The following TNFSF18 variants were observed in gnomAD, a reference collection of about 807,000 sequenced individuals.
TNFSF18 encodes tumor necrosis factor ligand superfamily member 18.
TNFSF18 carries 6 observed loss-of-function variants against 9.6 expected under a neutral mutation model. The ratio of observed to expected loss-of-function variants is 0.63; its 90% CI spans 0.34 to 1.24. TNFSF18 has a LOEUF of 1.24. TNFSF18 is among the 50% of genes most tolerant of loss of function. The probability of loss-of-function intolerance (pLI) is 0.03; values close to 1 mark genes in which losing one functional copy is unlikely to be tolerated. For missense variants in TNFSF18, 210 were observed against 201.0 expected (o/e 1.04, Z -0.27); for synonymous variants, 68 against 71.7 (o/e 0.95, Z 0.26).
In TNFSF18 at chr1:173,041,370, G is replaced by A. The variant is rs1203936216; in HGVS notation, c.531C>T (p.Ser177=). The A allele has an allele frequency of 6.2e-7, 1 of 1,601,174 alleles. No homozygotes were observed. Among genetic ancestry groups the A allele is most frequent in the East Asian group, 2.2e-5 (1 of 44,822 alleles). ...ATGAGGAGATCAAATCAAGTCTCTAGGAGATGAATTGGGGATTTGCTAGTA... is the reference window on the plus strand; with the variant it reads ...ATGAGGAGATCAAATCAAGTCTCTAAGAGATGAATTGGGGATTTGCTAGTA... ...IILLANPQFI[S] Residue 177 remains serine, a synonymous_variant, in exon 3 of 3, where the codon TCC becomes TCT. Transcript: ENST00000404377.
Position 173,039,274 on chromosome 1 carries a change from A to G in TNFSF18, c.*2093T>C, listed in dbSNP as rs1220263564. Among the ~76,000 whole-genome samples, 4 of 152,224 alleles carry G rather than the reference A, an allele frequency of 2.6e-5. No individual in the cohort carries two copies. On this transcript the variant is annotated 3_prime_UTR_variant, in exon 3 of 3. Transcript: ENST00000404377. Reference sequence around the variant, plus strand: ...GTGGAGAAACAGGAAAACAGTATACATTGAAAACAAAAGCTAAAATTATAA... The same window carrying G: ...GTGGAGAAACAGGAAAACAGTATACGTTGAAAACAAAAGCTAAAATTATAA...
intron 1 of TNFSF18, among the ~76,000 whole-genome samples, chr1:173,049,976 G>C (rs1665143290): frequency 2.0e-5 from 3 of 152,224 alleles, no homozygotes; most frequent in South Asian, 2.1e-4. Context: ...ACAAGCATCA[G>C]GGGCTTCCCA....
chr1:173,042,562 C>T (rs368059162), intron 2 of TNFSF18, among the ~76,000 whole-genome samples: 24 of 152,138 alleles, frequency 1.6e-4, no homozygotes, highest in East Asian at 1.4e-3. Flanking sequence ...ATAGAAATAA[C>T]TTGACTATTT....
At chr1:173,046,114 G>C (rs547080795) in intron 1 of TNFSF18, among the ~76,000 whole-genome samples, 2 of 152,268 alleles carry the variant, frequency 1.3e-5, no homozygotes, top group South Asian at 4.1e-4. Flanking sequence ...CAGTGGCTGT[G>C]AATTTAAAGT....
Position 173,039,766 on chromosome 1 carries a change from A to G in TNFSF18, c.*1601T>C, listed in dbSNP as rs1664961218. On this transcript the variant is annotated 3_prime_UTR_variant, in exon 3 of 3. Transcript: ENST00000404377. ...CACACACACACACACACACACACACATATGTATGACACACTTTAATTTCCT... is the reference window on the plus strand; with the variant it reads ...CACACACACACACACACACACACACGTATGTATGACACACTTTAATTTCCT... Among the ~76,000 whole-genome samples, 1 of 151,534 alleles carries G rather than the reference A, an allele frequency of 6.6e-6. No individual in the cohort carries two copies. Among genetic ancestry groups the G allele is most frequent in the Non-Finnish European group, 1.5e-5 (1 of 67,834 alleles).
Position 173,050,838 on chromosome 1 carries a change from T to G in TNFSF18, c.59A>C (p.Gln20Pro). ...GAGCCACAGCTTCCAGGATGATCTCTGAGCTCCTTGAGTTCTTGAATGGCT... is the reference window on the plus strand; with the variant it reads ...GAGCCACAGCTTCCAGGATGATCTCGGAGCTCCTTGAGTTCTTGAATGGCT... ...PLSHSRTQGA[Q>P]RSSWKLWLFC... The change falls in exon 1 of 3, where the codon CAG (glutamine) becomes CCG (proline). Residue 20 changes from glutamine (Q) to proline (P), a missense_variant. By Grantham distance (76) the Gln-to-Pro change is moderately conservative (BLOSUM62 -1). Coordinates refer to ENST00000404377, the MANE Select transcript of TNFSF18 (RefSeq NM_005092.4). The G allele has an allele frequency of 6.2e-7, 1 of 1,613,784 alleles. No individual in the cohort carries two copies. The highest frequency in any genetic ancestry group is 8.5e-7 in the Non-Finnish European group (1 of 1,179,760).
rs562779540 is a variant in TNFSF18 at position 173,039,739 on chromosome 1, TACACAC to T, written c.*1622_*1627del. Among the ~76,000 whole-genome samples, 16 of 146,526 alleles carry T rather than the reference TACACAC, an allele frequency of 1.1e-4. No homozygotes were observed. In the East Asian group the frequency reaches 1.2e-3, roughly 11 times the overall value. On this transcript the variant is annotated 3_prime_UTR_variant, in exon 3 of 3. Coordinates refer to ENST00000404377, the MANE Select transcript of TNFSF18 (RefSeq NM_005092.4). ...ATACATATATATACACACACACATATACACACACACACACACACACACACACATATG... is the reference window on the plus strand; with the variant it reads ...ATACATATATATACACACACACATATACACACACACACACACACACATATG...
At chr1:173,041,809 G>T in intron 2 of TNFSF18, 96 bp from the exon 3 acceptor site, 2 of 1,001,890 alleles carry the variant, frequency 2.0e-6, no homozygotes, top group Non-Finnish European at 1.3e-6. Flanking sequence ...CCACATACAT[G>T]TTGTTTCTTT....
intron 1 of TNFSF18, among the ~76,000 whole-genome samples, chr1:173,046,160 T>C (rs1188816400): frequency 6.6e-6 from 1 of 152,240 alleles, no homozygotes; most frequent in Non-Finnish European, 1.5e-5. Flanking sequence ...TTTCTTCAGA[T>C]ATATTCAACA....
chr1:173,050,886 C>A lies in TNFSF18; in HGVS notation c.11G>T (p.Ser4Ile). The A allele has an allele frequency of 5.0e-6, 8 of 1,613,828 alleles. No homozygotes were observed. Among genetic ancestry groups the A allele is most frequent in the Non-Finnish European group, 6.8e-6 (8 of 1,179,778 alleles). MCLSHLENMPLSHS... is the reference protein window; with the variant it reads MCLIHLENMPLSHS... ...GCTTAAAGGCATATTTTCCAAGTGG[C>A]TCAAACACATTTTTGGAGAAATGAG... Residue 4 changes from serine to isoleucine, a missense_variant, in exon 1 of 3, where the codon AGC becomes ATC. Coordinates refer to ENST00000404377, the MANE Select transcript of TNFSF18 (RefSeq NM_005092.4).
rs1246041092 is a variant in TNFSF18 at position 173,039,353 on chromosome 1, G to A, written c.*2014C>T. On this transcript the variant is annotated 3_prime_UTR_variant, in exon 3 of 3. Coordinates refer to ENST00000404377, the MANE Select transcript of TNFSF18 (RefSeq NM_005092.4). ...GGTAGTCATCCCTCTAGCTGCAGCT[G>A]TAGTAACCTCTGCTTGCCCTGAGAA... Among the ~76,000 whole-genome samples the A allele has an allele frequency of 6.6e-6, 1 of 152,166 alleles. No individual in the cohort carries two copies. Among genetic ancestry groups the A allele is most frequent in the African/African-American group, 2.4e-5 (1 of 41,452 alleles).
At chr1:173,045,272 G>A (rs1172272049) in intron 1 of TNFSF18, among the ~76,000 whole-genome samples, 1 of 152,108 alleles carries the variant, frequency 6.6e-6, no homozygotes, top group Admixed American at 6.6e-5. Context: ...GTCGGAGAAT[G>A]AGAAAGAACA....
intron 1 of TNFSF18, among the ~76,000 whole-genome samples, chr1:173,046,873 GT>G (rs869068788): frequency 1.7e-3 from 232 of 137,962 alleles, no homozygotes; most frequent in East Asian, 7.0e-3. Context: ...CCCTACACTT[GT>G]TTTTTTTTGT....
chr1:173,048,869 T>C (rs1665123078), intron 1 of TNFSF18, among the ~76,000 whole-genome samples: 1 of 152,208 alleles, frequency 6.6e-6, no homozygotes, highest in South Asian at 2.1e-4. Context: ...GAGATATTTA[T>C]TTGTGGCCAA....
intron 2 of TNFSF18, 39 bp downstream of exon 2, chr1:173,043,900 A>C: frequency 6.3e-7 from 1 of 1,587,176 alleles, no homozygotes; most frequent in Non-Finnish European, 8.7e-7. Flanking sequence ...TGCATCAAAA[A>C]CTAAGAAAAG....
At position 173,041,724 on chromosome 1, in the gene TNFSF18, T is replaced by C; in HGVS notation, c.188-11A>G. On this transcript the variant is annotated splice_polypyrimidine_tract_variant and intron_variant, in intron 2 of 2. Coordinates refer to ENST00000404377, the MANE Select transcript of TNFSF18 (RefSeq NM_005092.4). ...TTGAGGGTAATGGTCCTATAAGAAA[T>C]ATACAAGGATAAAAAAGATGAAAGC... 1 of 1,549,954 alleles carries C rather than the reference T, an allele frequency of 6.5e-7. No homozygotes were observed. Among genetic ancestry groups the C allele is most frequent in the Non-Finnish European group, 8.7e-7 (1 of 1,150,064 alleles).
chr1:173,042,041 G>A (rs1185959243), intron 2 of TNFSF18, among the ~76,000 whole-genome samples: 1 of 152,186 alleles, frequency 6.6e-6, no homozygotes, highest in Non-Finnish European at 1.5e-5. Context: ...AATGGAGAAA[G>A]AAATCACAAG....
intron 1 of TNFSF18, among the ~76,000 whole-genome samples, chr1:173,044,798 G>C (rs1481296326): frequency 1.3e-5 from 2 of 152,146 alleles, no homozygotes; most frequent in African/African-American, 2.4e-5. Flanking sequence ...AATGTAGTGA[G>C]ACTAGCTAAG....
chr1:173,040,680 AC>A lies in TNFSF18; in HGVS notation c.*686del, dbSNP rs2101925378. The A allele has an allele frequency of 6.6e-6, 1 of 152,222 alleles. No homozygotes were observed. The highest frequency in any genetic ancestry group is 6.5e-5 in the Admixed American group (1 of 15,268). 9.4% of individuals were successfully genotyped at this position (152,222 alleles called of 1,614,324 possible). On this transcript the variant is annotated 3_prime_UTR_variant, in exon 3 of 3. Transcript: ENST00000404377. ...CAATTAGCAATGTTTAGACACACAC[AC>A]CAACAGTAAGGTCTCACAAAGCTCT...
Sources: gnomAD v4.1 joint callset for allele counts (sites outside exome capture counted in the v4.1 genomes callset) on GRCh38, gnomAD v4.1.1 for gene constraint, MANE v1.5 for transcripts, NCBI Gene and HGNC (gene_info 2026-07-23, HGNC 2026-07-21) for gene names.